Variants in NTM observed in about 807,000 individuals in gnomAD.
NTM encodes IgLON family member 2.
In NTM, 13 loss-of-function variants were observed where a neutral mutation model predicts 42.1. The observed-to-expected ratio is 0.31, with a 90% CI of 0.20 to 0.49. The LOEUF is 0.49. Ranked by LOEUF, NTM falls within the 20% of genes least tolerant of loss-of-function variation. NTM has a pLI of 0.99. For missense variants in NTM, 373 were observed against 452.8 expected, an observed-to-expected ratio of 0.82 and a Z score of 1.60; for synonymous variants, 187 against 179.2, an observed-to-expected ratio of 1.04 and a Z score of -0.35.
chr11:131,548,504 A>C (rs2054236961), intron 1 of NTM, among the ~76,000 whole-genome samples: 1 of 152,158 alleles, frequency 6.6e-6, no homozygotes, highest in Admixed American at 6.5e-5. Flanking sequence ...GTAAAGTTAT[A>C]ATAATTATGA....
intron 1 of NTM, among the ~76,000 whole-genome samples, chr11:131,654,975 T>C (rs1169161785): frequency 6.6e-6 from 1 of 152,154 alleles, no homozygotes; most frequent in Non-Finnish European, 1.5e-5. Flanking sequence ...TCAGGCCACA[T>C]GCACATGTAC....
At chr11:132,107,630 A>G (rs1039200364) in intron 2 of NTM, among the ~76,000 whole-genome samples, 14 of 152,046 alleles carry the variant, frequency 9.2e-5, no homozygotes, top group African/African-American at 3.1e-4. Context: ...TTGGTCTCCA[A>G]AAGTGCTCAG....
intron 2 of NTM, among the ~76,000 whole-genome samples, chr11:131,927,689 T>C (rs1249779096): frequency 6.6e-6 from 1 of 152,176 alleles, no homozygotes; most frequent in Non-Finnish European, 1.5e-5. Context: ...AAAGCAAATG[T>C]GGGATACTTG....
At chr11:131,950,324 G>A (rs1371902447) in intron 2 of NTM, among the ~76,000 whole-genome samples, 1 of 152,162 alleles carries the variant, frequency 6.6e-6, no homozygotes, top group Non-Finnish European at 1.5e-5. Context: ...AATAACACGT[G>A]GATTCCCTTG....
intron 2 of NTM, among the ~76,000 whole-genome samples, chr11:132,085,349 A>C (rs1352270353): frequency 1.3e-5 from 2 of 152,232 alleles, no homozygotes; most frequent in African/African-American, 4.8e-5. Flanking sequence ...GTGCCAATAA[A>C]GTTTTACTCC....
At chr11:131,969,435 G>A (rs2063246869) in intron 2 of NTM, among the ~76,000 whole-genome samples, 1 of 152,164 alleles carries the variant, frequency 6.6e-6, no homozygotes, top group Admixed American at 6.5e-5. Context: ...ATGTTTTTCT[G>A]CAATTACTCA....
chr11:131,957,175 T>C lies in NTM; in HGVS notation c.167+45527T>C, dbSNP rs183548514. ...AAAGTCTTGTTTTCTTTCCAAGATA[T>C]TACAGCTGTCTTACTTCACAAAATT... On this transcript the variant is annotated intron_variant, in intron 2 of 8. Coordinates refer to ENST00000683400, the MANE Select transcript of NTM (RefSeq NM_001352005.2). Among the ~76,000 whole-genome samples, 5 of 152,356 alleles carry C rather than the reference T, an allele frequency of 3.3e-5. No homozygotes were observed. In the East Asian group the frequency reaches 7.7e-4, roughly 24 times the overall value.
chr11:131,663,293 G>A (rs571440751), intron 1 of NTM: 15 of 152,300 alleles, frequency 9.8e-5, no homozygotes, highest in African/African-American at 3.1e-4. Context: ...CTCACCAAAC[G>A]CCTGGCCCCG....
At chr11:132,290,505 C>A (rs564132943) in intron 4 of NTM, among the ~76,000 whole-genome samples, 66 of 152,128 alleles carry the variant, frequency 4.3e-4, no homozygotes, top group South Asian at 1.2e-3. Flanking sequence ...TTAATAGACC[C>A]TGTGCATAAA....
chr11:131,796,119 C>A, intron 1 of NTM: 1 of 985,374 alleles, frequency 1.0e-6, no homozygotes, highest in African/African-American at 1.7e-5. Context: ...GGGAACTGGC[C>A]ACAGGAAGTT....
intron 1 of NTM, among the ~76,000 whole-genome samples, chr11:131,608,277 T>A (rs1203313247): frequency 6.6e-6 from 1 of 152,238 alleles, no homozygotes; most frequent in Non-Finnish European, 1.5e-5. Context: ...GTGCCACATT[T>A]TCTTAATCCA....
chr11:131,959,280 T>C (rs939639752), intron 2 of NTM, among the ~76,000 whole-genome samples: 1 of 152,172 alleles, frequency 6.6e-6, no homozygotes, highest in African/African-American at 2.4e-5. Context: ...CCTTGTGCCA[T>C]GGAGGGAGAC....
At chr11:132,293,527 G>A (rs567253936) in intron 4 of NTM, among the ~76,000 whole-genome samples, 2 of 152,188 alleles carry the variant, frequency 1.3e-5, no homozygotes, top group African/African-American at 2.4e-5. Flanking sequence ...AGTGCAGTCC[G>A]ATGAAGGGTT....
At chr11:132,230,873 A>G (rs553968101) in intron 4 of NTM, among the ~76,000 whole-genome samples, 1 of 152,310 alleles carries the variant, frequency 6.6e-6, no homozygotes, top group South Asian at 2.1e-4. Context: ...AAAATTTTTT[A>G]ATCAGCTGGG....
At chr11:131,422,572 C>A (rs1947649469) in intron 1 of NTM, among the ~76,000 whole-genome samples, 1 of 152,200 alleles carries the variant, frequency 6.6e-6, no homozygotes, top group Non-Finnish European at 1.5e-5. Flanking sequence ...AATTAACAAG[C>A]ATCTTTCAAA....
At chr11:131,464,251 G>C (rs971865299) in intron 1 of NTM, among the ~76,000 whole-genome samples, 2 of 152,132 alleles carry the variant, frequency 1.3e-5, no homozygotes, top group Non-Finnish European at 2.9e-5. Flanking sequence ...GAATGCGGCA[G>C]GGAGTTGCAA....
intron 1 of NTM, among the ~76,000 whole-genome samples, chr11:131,812,382 T>C (rs1278733688): frequency 6.6e-6 from 1 of 152,182 alleles, no homozygotes. Flanking sequence ...CATTCAGGCA[T>C]GAGGATAGAC....
intron 1 of NTM, among the ~76,000 whole-genome samples, chr11:131,755,969 T>A (rs1264622171): frequency 6.6e-6 from 1 of 152,230 alleles, no homozygotes; most frequent in Non-Finnish European, 1.5e-5. Context: ...CTTCTCTGCA[T>A]TGGCCAGGAG....
intron 2 of NTM, among the ~76,000 whole-genome samples, chr11:132,054,002 G>C (rs1014376365): frequency 1.3e-5 from 2 of 152,184 alleles, no homozygotes; most frequent in African/African-American, 4.8e-5. Flanking sequence ...GATCTCTTGA[G>C]CCCAGGAGTT....
Sources: allele counts gnomAD v4.1 joint callset (sites outside exome capture counted in the v4.1 genomes callset), GRCh38; gene constraint gnomAD v4.1.1; transcripts MANE v1.5; gene names NCBI Gene and HGNC (gene_info 2026-07-23, HGNC 2026-07-21).